The following NKAIN2 variants were observed in gnomAD, a reference collection of about 807,000 sequenced individuals.
NKAIN2 encodes the protein sodium/potassium-transporting ATPase subunit beta-1-interacting protein 2.
A neutral mutation model predicts 32.6 loss-of-function variants in NKAIN2; 14 were observed. The observed-to-expected ratio is 0.43, with a 90% confidence interval of 0.28 to 0.67. The LOEUF is 0.67. Among genes scored for constraint, NKAIN2 ranks in the 30% least tolerant of loss-of-function variants. NKAIN2 has a pLI of 0.17. For missense variants in NKAIN2, 198 were observed against 258.3 expected, an observed-to-expected ratio of 0.77 and a Z score of 1.60; for synonymous variants, 80 against 87.2, an observed-to-expected ratio of 0.92 and a Z score of 0.46.
At chr6:124,697,339 G>C (rs1407761355) in intron 4 of NKAIN2, among the ~76,000 whole-genome samples, 1 of 152,074 alleles carries the variant, frequency 6.6e-6, no homozygotes, top group Non-Finnish European at 1.5e-5. Context: ...TTAGATGATG[G>C]TGTTTCTGGC....
chr6:124,104,062 G>A (rs1256517534), intron 1 of NKAIN2, among the ~76,000 whole-genome samples: 1 of 152,062 alleles, frequency 6.6e-6, no homozygotes, highest in African/African-American at 2.4e-5. Context: ...ACTCCAGCCT[G>A]AGCGACAGAG....
intron 3 of NKAIN2, among the ~76,000 whole-genome samples, chr6:124,525,664 A>G (rs1047528640): frequency 3.3e-5 from 5 of 150,334 alleles, no homozygotes; most frequent in African/African-American, 4.9e-5. Flanking sequence ...CTTCACAACA[A>G]TGTAGAGTTA....
intron 3 of NKAIN2, among the ~76,000 whole-genome samples, chr6:124,592,358 G>A (rs1323948899): frequency 6.6e-6 from 1 of 152,068 alleles, no homozygotes; most frequent in Non-Finnish European, 1.5e-5. Flanking sequence ...TATTTCAGAG[G>A]GGGTTTACAT....
intron 3 of NKAIN2, among the ~76,000 whole-genome samples, chr6:124,559,934 G>A (rs1780627592): frequency 7.7e-6 from 1 of 130,158 alleles, no homozygotes; most frequent in Non-Finnish European, 1.5e-5. Flanking sequence ...TGATGCATCT[G>A]CCCACACTTC....
intron 5 of NKAIN2, among the ~76,000 whole-genome samples, chr6:124,803,013 G>A (rs1780336471): frequency 6.6e-6 from 1 of 152,114 alleles, no homozygotes. Flanking sequence ...ATCCTGGGTG[G>A]TTGCTCATTG....
intron 2 of NKAIN2, among the ~76,000 whole-genome samples, chr6:124,351,553 A>C (rs565550524): frequency 6.6e-6 from 1 of 151,626 alleles, no homozygotes; most frequent in Non-Finnish European, 1.5e-5. Context: ...TGTGGGAAGT[A>C]TATTTTGTAA....
intron 2 of NKAIN2, among the ~76,000 whole-genome samples, chr6:124,335,508 A>G (rs775750140): frequency 2.0e-5 from 3 of 152,222 alleles, no homozygotes; most frequent in Non-Finnish European, 4.4e-5. Flanking sequence ...GCTGGGGGAT[A>G]GGACAGCTGA....
rs373594549 is a variant in NKAIN2, at chr6:124,687,743, T to TACACACACACACACAC, written c.474+29381_474+29396dup. 2.3e-4 allele frequency among the ~76,000 whole-genome samples: 24 copies of TACACACACACACACAC among 104,368 alleles called. 1 individual carries two copies. Among genetic ancestry groups the TACACACACACACACAC allele is most frequent in the South Asian group, 1.6e-3 (5 of 3,080 alleles). 68.5% of individuals were successfully genotyped at this position (104,368 alleles called of 152,430 possible). A position where few individuals can be genotyped will look rare whatever the true frequency, so the allele number is the denominator to read the frequency against. ...ATATAATATAAATATATATGATATATACACACACACACACACACACACACA... is the reference window on the plus strand; with the variant it reads ...ATATAATATAAATATATATGATATATACACACACACACACACACACACACACACACACACACACACA... On this transcript the variant is annotated intron_variant, in intron 4 of 6. Coordinates refer to ENST00000368417, the MANE Select transcript of NKAIN2 (RefSeq NM_001040214.3).
chr6:124,671,687 T>A lies in NKAIN2; in HGVS notation c.474+13301T>A, dbSNP rs192214660. Among the ~76,000 whole-genome samples, 724 of 152,150 alleles carry A rather than the reference T, an allele frequency of 4.8e-3. 29 individuals are homozygous for A. The highest frequency in any genetic ancestry group is 0.043 in the Admixed American group (651 of 15,242). On this transcript the variant is annotated intron_variant, in intron 4 of 6. Transcript: ENST00000368417. Reference sequence around the variant, plus strand: ...ACTATATAGAGCCTCATGATAAAAATTTCACCATCCCTGCACTCTCTGAGT... The same window carrying A: ...ACTATATAGAGCCTCATGATAAAAAATTCACCATCCCTGCACTCTCTGAGT...
At chr6:124,712,129 C>G (rs899340467) in intron 4 of NKAIN2, among the ~76,000 whole-genome samples, 1 of 151,510 alleles carries the variant, frequency 6.6e-6, no homozygotes, top group Non-Finnish European at 1.5e-5. Context: ...TTAGGCTGCT[C>G]GGGGGTCGGG....
At chr6:124,164,513 A>G (rs1470316168) in intron 1 of NKAIN2, among the ~76,000 whole-genome samples, 4 of 152,220 alleles carry the variant, frequency 2.6e-5, no homozygotes, top group South Asian at 2.1e-4. Context: ...CCATGGGGAA[A>G]TCAGCGTGGA....
intron 1 of NKAIN2, among the ~76,000 whole-genome samples, chr6:124,034,912 G>C (rs1014370180): frequency 2.6e-5 from 4 of 151,920 alleles, no homozygotes; most frequent in African/African-American, 4.8e-5. Context: ...CCACTTGTCT[G>C]TCTTTTGATA....
At chr6:123,878,541 A>G (rs1388853126) in intron 1 of NKAIN2, among the ~76,000 whole-genome samples, 1 of 151,930 alleles carries the variant, frequency 6.6e-6, no homozygotes, top group African/African-American at 2.4e-5. Flanking sequence ...TTTGGTTTAC[A>G]TTACCAGAAC....
intron 1 of NKAIN2, among the ~76,000 whole-genome samples, chr6:123,992,408 A>G (rs1311800563): frequency 3.3e-5 from 5 of 152,154 alleles, no homozygotes. Flanking sequence ...AGTTAAATAC[A>G]ATAGAGAATT....
chr6:124,398,701 G>A (rs1326446984), intron 3 of NKAIN2, among the ~76,000 whole-genome samples: 1 of 152,186 alleles, frequency 6.6e-6, no homozygotes, highest in Admixed American at 6.5e-5. Flanking sequence ...AACCTAAGGT[G>A]AGTACGGTGT....
chr6:124,477,706 CCCCCTTACTCT>C (rs1777279512), intron 3 of NKAIN2, among the ~76,000 whole-genome samples: 1 of 5,870 alleles, frequency 1.7e-4, no homozygotes, highest in Admixed American at 1.2e-3. Flanking sequence ...TCCTCTCCCT[CCCCCTTACTCT>C]TCCCCCTTCC....
chr6:124,373,662 G>C (rs543332892), intron 3 of NKAIN2, among the ~76,000 whole-genome samples: 2 of 152,096 alleles, frequency 1.3e-5, no homozygotes, highest in African/African-American at 2.4e-5. Context: ...GCCCAGTGAC[G>C]TAGGAAGGAA....
intron 1 of NKAIN2, among the ~76,000 whole-genome samples, chr6:123,969,324 A>T (rs988249710): frequency 1.3e-5 from 2 of 152,196 alleles, no homozygotes; most frequent in Non-Finnish European, 2.9e-5. Context: ...GGATGGAGTT[A>T]AAAAGGTCTG....
At position 123,803,889 on chromosome 6, in the gene NKAIN2, T is replaced by TGCCAGGCTGCCGCTGCTGCCCC; in HGVS notation, c.-311_-290dup. On this transcript the variant is annotated 5_prime_UTR_variant, in exon 1 of 7. An upstream open reading frame in the 5' UTR gains an earlier in-frame stop. Coordinates refer to ENST00000368417, the MANE Select transcript of NKAIN2 (RefSeq NM_001040214.3). ...CAGATGCCCGAGGGCGCGGCGGCGC[T>TGCCAGGCTGCCGCTGCTGCCCC]GCCAGGCTGCCGCTGCTGCCCCTGC... is the stretch of plus-strand genomic sequence containing the variant. Among the ~76,000 whole-genome samples, 1 of 148,004 alleles carries TGCCAGGCTGCCGCTGCTGCCCC rather than the reference T, an allele frequency of 6.8e-6. No homozygotes were observed. The highest frequency in any genetic ancestry group is 1.5e-5 in the Non-Finnish European group (1 of 66,470).
Sources: gnomAD v4.1 joint callset for allele counts (sites outside exome capture counted in the v4.1 genomes callset) on GRCh38, gnomAD v4.1.1 for gene constraint, MANE v1.5 for transcripts, NCBI Gene and HGNC (gene_info 2026-07-23, HGNC 2026-07-21) for gene names.